The following RIMS2 variants were observed in gnomAD, a reference collection of about 807,000 sequenced individuals.
The protein encoded by RIMS2 is regulating synaptic membrane exocytosis protein 2.
Under a neutral mutation model 174.4 loss-of-function variants are expected in RIMS2, and 59 were observed. That is an observed-to-expected ratio of 0.34 (90% CI 0.27 to 0.42). The LOEUF (loss-of-function observed/expected upper bound fraction) is 0.42. Among genes scored for constraint, RIMS2 ranks in the 10% least tolerant of loss-of-function variants. The probability of loss-of-function intolerance (pLI) is 1.00; values close to 1 mark genes in which losing one functional copy is unlikely to be tolerated. For missense variants in RIMS2, 1,620 were observed against 1,666.3 expected (o/e 0.97, Z 0.48); for synonymous variants, 606 against 572.5 (o/e 1.06, Z -0.84).
chr8:104,174,794 A>G (rs917277176), intron 19 of RIMS2, among the ~76,000 whole-genome samples: 1 of 152,170 alleles, frequency 6.6e-6, no homozygotes, highest in Non-Finnish European at 1.5e-5. Context: ...GAATTTTCTG[A>G]TATTCTCCAC....
chr8:103,762,126 C>T (rs1453479449), intron 2 of RIMS2, among the ~76,000 whole-genome samples: 2 of 150,884 alleles, frequency 1.3e-5, no homozygotes, highest in East Asian at 3.9e-4. Flanking sequence ...TTTTCCCTTC[C>T]TTTCCTAACA....
chr8:104,101,213 G>A (rs930344384), intron 19 of RIMS2, among the ~76,000 whole-genome samples: 6 of 150,706 alleles, frequency 4.0e-5, no homozygotes, highest in South Asian at 2.1e-4. Context: ...TGCAACTTCC[G>A]TCACCCGGGT....
chr8:104,194,361 G>A (rs916370146), intron 19 of RIMS2, among the ~76,000 whole-genome samples: 6 of 151,970 alleles, frequency 3.9e-5, no homozygotes, highest in Middle Eastern at 3.2e-3. Flanking sequence ...TGCTCTTATA[G>A]TGTTTCAAAA....
chr8:104,055,697 G>A (rs554666682), intron 19 of RIMS2, among the ~76,000 whole-genome samples: 3 of 152,214 alleles, frequency 2.0e-5, no homozygotes, highest in Non-Finnish European at 4.4e-5. Context: ...TTCTATACCT[G>A]TCACTGTATA....
intron 14 of RIMS2, among the ~76,000 whole-genome samples, chr8:103,949,142 A>T (rs1485678516): frequency 2.8e-5 from 4 of 144,014 alleles, no homozygotes; most frequent in Admixed American, 6.8e-5. Flanking sequence ...AAAAAAAAAA[A>T]AAAAAGGGAA....
chr8:103,678,716 TA>T (rs2096844051), intron 1 of RIMS2, among the ~76,000 whole-genome samples: 1 of 152,028 alleles, frequency 6.6e-6, no homozygotes, highest in Non-Finnish European at 1.5e-5. Context: ...TGTTGAAGCC[TA>T]TCGATTCTTT....
chr8:103,943,297 A>T (rs1390518729), intron 14 of RIMS2, among the ~76,000 whole-genome samples: 1 of 152,140 alleles, frequency 6.6e-6, no homozygotes, highest in East Asian at 1.9e-4. Flanking sequence ...TTCCTCCTTT[A>T]TTATTCTAGG....
chr8:104,070,346 T>A (rs1027130256), intron 19 of RIMS2, among the ~76,000 whole-genome samples: 1 of 152,234 alleles, frequency 6.6e-6, no homozygotes, highest in African/African-American at 2.4e-5. Flanking sequence ...AAAGTAAATT[T>A]AAGACAAATT....
chr8:103,769,511 A>C (rs2098223775), intron 3 of RIMS2, among the ~76,000 whole-genome samples: 1 of 152,104 alleles, frequency 6.6e-6, no homozygotes, highest in Non-Finnish European at 1.5e-5. Context: ...TTTTTAGTAG[A>C]GACAGGGTCT....
chr8:103,619,828 G>C (rs977033827), intron 1 of RIMS2, among the ~76,000 whole-genome samples: 2 of 152,032 alleles, frequency 1.3e-5, no homozygotes, highest in Non-Finnish European at 2.9e-5. Context: ...TTTTATAACA[G>C]TTCCTAGAAA....
rs201714745 is a variant in RIMS2 at position 104,119,365 on chromosome 8, C to CA, written c.3334+104758dup. 4.1e-3 allele frequency among the ~76,000 whole-genome samples: 610 copies of CA among 149,112 alleles called. 2 individuals are homozygous for CA. Among genetic ancestry groups the CA allele is most frequent in the African/African-American group, 0.014 (569 of 40,248 alleles). On this transcript the variant is annotated intron_variant, in intron 19 of 23. Coordinates refer to ENST00000504942, the Ensembl canonical transcript of RIMS2. ...AGTGAGCAAGACTCCATCTCAAAAA[C>CA]AAAAAAAACAAAAAAAACCCATAAT...
At chr8:104,149,057 G>A (rs1210017562) in intron 19 of RIMS2, among the ~76,000 whole-genome samples, 1 of 152,198 alleles carries the variant, frequency 6.6e-6, no homozygotes, top group Admixed American at 6.5e-5. Context: ...ACCTTGGCCA[G>A]TGTTCTTAAA....
chr8:104,006,279 G>T (rs2095572515), intron 17 of RIMS2, among the ~76,000 whole-genome samples: 1 of 152,040 alleles, frequency 6.6e-6, no homozygotes, highest in Admixed American at 6.6e-5. Flanking sequence ...GCTGGGCGCG[G>T]TAGCTCACGC....
chr8:103,556,722 G>T (rs923464264), intron 1 of RIMS2, among the ~76,000 whole-genome samples: 1 of 152,100 alleles, frequency 6.6e-6, no homozygotes, highest in Non-Finnish European at 1.5e-5. Context: ...CACTGCCAGA[G>T]AGTTGAACGT....
chr8:103,645,968 T>C (rs959100177), intron 1 of RIMS2, among the ~76,000 whole-genome samples: 3 of 151,934 alleles, frequency 2.0e-5, no homozygotes, highest in Non-Finnish European at 4.4e-5. Context: ...TGAAGGGAGA[T>C]ACGGGTGGGG....
intron 19 of RIMS2, among the ~76,000 whole-genome samples, chr8:104,124,674 T>C (rs894639386): frequency 1.3e-5 from 2 of 152,242 alleles, no homozygotes; most frequent in African/African-American, 4.8e-5. Flanking sequence ...AGAAATTGTA[T>C]ACTTCATATG....
At chr8:103,622,190 A>G (rs753361628) in intron 1 of RIMS2, among the ~76,000 whole-genome samples, 14 of 152,168 alleles carry the variant, frequency 9.2e-5, no homozygotes, top group Non-Finnish European at 1.3e-4. Context: ...ATAGTGGATT[A>G]TAAGAATTTA....
intron 19 of RIMS2, among the ~76,000 whole-genome samples, chr8:104,171,777 A>T (rs77706557): frequency 6.3e-4 from 96 of 152,148 alleles, no homozygotes; most frequent in Middle Eastern, 3.4e-3. Flanking sequence ...CTATTTCTTG[A>T]AATTGTTCTT....
At chr8:103,763,701 C>T (rs1223075354) in intron 2 of RIMS2, among the ~76,000 whole-genome samples, 5 of 152,110 alleles carry the variant, frequency 3.3e-5, no homozygotes, top group African/African-American at 1.2e-4. Flanking sequence ...CATCATCCTT[C>T]ATACCTTATG....
Sources: allele counts gnomAD v4.1 joint callset (sites outside exome capture counted in the v4.1 genomes callset), GRCh38; gene constraint gnomAD v4.1.1; transcripts MANE v1.5; gene names NCBI Gene and HGNC (gene_info 2026-07-23, HGNC 2026-07-21).